MAD1L1: variants seen among roughly 807,000 people sequenced by gnomAD.
The protein encoded by MAD1L1 is mitotic spindle assembly checkpoint protein MAD1.
A neutral mutation model predicts 96.9 loss-of-function variants in MAD1L1; 95 were observed. The observed-to-expected ratio is 0.98, with a 90% CI of 0.83 to 1.16. MAD1L1 has a LOEUF of 1.16. MAD1L1 is among the 50% of genes most tolerant of loss of function. MAD1L1 has a pLI of 0.00. For synonymous variants in MAD1L1, 473 were observed against 396.6 expected (o/e 1.19, Z -2.29); for missense variants, 1,007 against 954.4 (o/e 1.06, Z -0.73).
intron 11 of MAD1L1, among the ~76,000 whole-genome samples, chr7:2,095,568 G>A (rs73034430): frequency 0.027 from 4,110 of 152,302 alleles, 96 homozygotes; most frequent in South Asian, 0.089. Context: ...CCAGAGGGGA[G>A]ATAGTGCGTG....
chr7:2,052,011 G>A (rs1784201438), intron 12 of MAD1L1, among the ~76,000 whole-genome samples: 1 of 152,112 alleles, frequency 6.6e-6, no homozygotes, highest in Non-Finnish European at 1.5e-5. Context: ...CGTCAGGCAG[G>A]GAAACAGCCA....
chr7:1,827,207 G>C (rs1440686657), intron 18 of MAD1L1, among the ~76,000 whole-genome samples: 3 of 152,238 alleles, frequency 2.0e-5, no homozygotes, highest in Non-Finnish European at 2.9e-5. Context: ...GGATGGAGAA[G>C]GTGGGAGAAG....
At chr7:1,863,446 G>A (rs926443367) in intron 18 of MAD1L1, among the ~76,000 whole-genome samples, 4 of 152,264 alleles carry the variant, frequency 2.6e-5, no homozygotes, top group Non-Finnish European at 5.9e-5. Flanking sequence ...CCTCTGTGAG[G>A]AGAAAGATGA....
At chr7:2,070,562 G>A (rs1300797485) in intron 11 of MAD1L1, among the ~76,000 whole-genome samples, 1 of 152,250 alleles carries the variant, frequency 6.6e-6, no homozygotes, top group Admixed American at 6.5e-5. Context: ...CGCGGAGGGA[G>A]GGCCCATCCC....
chr7:2,194,497 C>T (rs967218844), intron 10 of MAD1L1, among the ~76,000 whole-genome samples: 1 of 152,186 alleles, frequency 6.6e-6, no homozygotes, highest in Non-Finnish European at 1.5e-5. Flanking sequence ...AAAGGTCCCA[C>T]CTCCCAAGCA....
Position 1,851,898 on chromosome 7 carries a change from C to G in MAD1L1, c.1999-35670G>C, listed in dbSNP as rs528697297. 2.0e-5 allele frequency among the ~76,000 whole-genome samples: 3 copies of G among 152,188 alleles called. No homozygotes were observed. The East Asian group carries it at 5.8e-4, about 29-fold the overall frequency. ...ACAGCTGGTTCGCCTGGCTGCTGCC[C>G]GGGAGCTGGAGTGGCAGAAACAATG... On this transcript the variant is annotated intron_variant, in intron 18 of 18. Coordinates refer to ENST00000265854, the MANE Select transcript of MAD1L1 (RefSeq NM_001013836.2).
At chr7:1,942,519 C>T (rs1462542242) in intron 16 of MAD1L1, among the ~76,000 whole-genome samples, 2 of 152,150 alleles carry the variant, frequency 1.3e-5, no homozygotes, top group Admixed American at 6.5e-5. Context: ...CCAGGGCAGC[C>T]GAGTGTCGGG....
intron 11 of MAD1L1, among the ~76,000 whole-genome samples, chr7:2,075,992 GAGA>G (rs1227294899): frequency 6.6e-6 from 1 of 152,238 alleles, no homozygotes; most frequent in Admixed American, 6.5e-5. Context: ...GCCACCGCGG[GAGA>G]CAGGCTCTGA....
At chr7:2,094,899 C>A (rs1786404800) in intron 11 of MAD1L1, among the ~76,000 whole-genome samples, 1 of 152,178 alleles carries the variant, frequency 6.6e-6, no homozygotes, top group Non-Finnish European at 1.5e-5. Flanking sequence ...CACGCTGTTT[C>A]CTGACCGGGT....
At chr7:2,047,779 GC>G (rs1783990853) in intron 12 of MAD1L1, among the ~76,000 whole-genome samples, 1 of 151,854 alleles carries the variant, frequency 6.6e-6, no homozygotes, top group African/African-American at 2.4e-5. Flanking sequence ...AGCTGCCTCT[GC>G]AGACACATGC....
At position 2,216,233 on chromosome 7, in the gene MAD1L1, T is replaced by G. The variant is rs756206971; in HGVS notation, c.733A>C (p.Met245Leu). Reference sequence around the variant, plus strand: ...GGGAGCCGTACCAGCTCAGACTTCATGTTCTTCACAATCGCTGCATCCTGC... The same window carrying G: ...GGGAGCCGTACCAGCTCAGACTTCAGGTTCTTCACAATCGCTGCATCCTGC... ...QEQDAAIVKNMKSELVRLPRL... is the reference protein window; with the variant it reads ...QEQDAAIVKNLKSELVRLPRL... The change falls in exon 8 of 19, where the codon ATG (methionine) becomes CTG (leucine). Residue 245 changes from methionine to leucine, a missense_variant. Transcript: ENST00000265854. The G allele has an allele frequency of 6.2e-7, 1 of 1,614,198 alleles. No homozygotes were observed. The highest frequency in any genetic ancestry group is 1.1e-5 in the South Asian group (1 of 91,090).
intron 14 of MAD1L1, among the ~76,000 whole-genome samples, chr7:2,000,608 G>A (rs1457097730): frequency 3.9e-5 from 6 of 152,118 alleles, no homozygotes; most frequent in South Asian, 2.1e-4. Context: ...GGGAGAATGC[G>A]GCTCCTCCAT....
chr7:1,942,958 A>G (rs919672722), intron 16 of MAD1L1, among the ~76,000 whole-genome samples: 1 of 152,220 alleles, frequency 6.6e-6, no homozygotes, highest in Non-Finnish European at 1.5e-5. Flanking sequence ...CACAGTGGAG[A>G]GTCCAGGAAC....
chr7:1,938,870 A>ACACG (rs1381318754), intron 16 of MAD1L1, among the ~76,000 whole-genome samples: 36 of 119,212 alleles, frequency 3.0e-4, no homozygotes, highest in Middle Eastern at 5.6e-3. Context: ...ACACACACAC[A>ACACG]CGGACACAGT....
chr7:2,033,865 G>A (rs903720781), intron 12 of MAD1L1, among the ~76,000 whole-genome samples: 7 of 152,238 alleles, frequency 4.6e-5, no homozygotes, highest in Admixed American at 3.9e-4. Context: ...AGCACTGTGA[G>A]AGGCCGAGGC....
intron 18 of MAD1L1, among the ~76,000 whole-genome samples, chr7:1,835,877 T>C (rs1191622855): frequency 6.6e-6 from 1 of 152,242 alleles, no homozygotes; most frequent in Admixed American, 6.5e-5. Context: ...AACTGAGGGT[T>C]CTTCCCCCTT....
At chr7:2,181,724 C>T (rs1294240706) in intron 10 of MAD1L1, among the ~76,000 whole-genome samples, 2 of 152,176 alleles carry the variant, frequency 1.3e-5, no homozygotes, top group Non-Finnish European at 1.5e-5. Context: ...CGTGCACACG[C>T]ATGTTCACAG....
intron 10 of MAD1L1, among the ~76,000 whole-genome samples, chr7:2,186,942 C>T (rs1234680010): frequency 6.6e-6 from 1 of 152,004 alleles, no homozygotes; most frequent in Admixed American, 6.5e-5. Context: ...TACAGGCATG[C>T]GCCACCACGC....
Position 2,011,200 on chromosome 7 carries a change from G to A in MAD1L1, c.1359+3302C>T, listed in dbSNP as rs576144341. Among the ~76,000 whole-genome samples the A allele has an allele frequency of 3.0e-4, 46 of 151,926 alleles. No individual in the cohort carries two copies. The East Asian group carries it at 8.6e-3, about 28-fold the overall frequency. On this transcript the variant is annotated intron_variant, in intron 13 of 18. Transcript: ENST00000265854. ...CAGAAACCAACAGCCAGAGACACGC[G>A]GCATGTGCAGGGTCTCCAGAGCAGC...
Sources: allele counts gnomAD v4.1 joint callset (sites outside exome capture counted in the v4.1 genomes callset), GRCh38; gene constraint gnomAD v4.1.1; transcripts MANE v1.5; gene names NCBI Gene and HGNC (gene_info 2026-07-23, HGNC 2026-07-21).